GLIS3: variants seen among roughly 807,000 people sequenced by gnomAD.
The protein encoded by GLIS3 is zinc finger protein GLIS3.
Under a neutral mutation model 78.6 loss-of-function variants are expected in GLIS3, and 53 were observed. The ratio of observed to expected loss-of-function variants is 0.67; its 90% CI spans 0.54 to 0.85. GLIS3 has a LOEUF of 0.85. Ranked by LOEUF, GLIS3 falls within the 40% of genes least tolerant of loss-of-function variation. GLIS3 has a pLI of 0.00. For synonymous variants in GLIS3, 684 were observed against 509.9 expected, an observed-to-expected ratio of 1.34 and a Z score of -4.60; for missense variants, 1,703 against 1,231.1, an observed-to-expected ratio of 1.38 and a Z score of -5.74.
intron 2 of GLIS3, among the ~76,000 whole-genome samples, chr9:4,276,872 T>A (rs1486504198): frequency 6.6e-6 from 1 of 152,130 alleles, no homozygotes; most frequent in Non-Finnish European, 1.5e-5. Flanking sequence ...CAAGACAAAA[T>A]GAAAACTCTG....
chr9:4,189,750 G>T (rs1212803988), intron 2 of GLIS3, among the ~76,000 whole-genome samples: 1 of 152,094 alleles, frequency 6.6e-6, no homozygotes, highest in Non-Finnish European at 1.5e-5. Context: ...ATTATGTAAT[G>T]GCCTTCTTTG....
At chr9:4,233,583 G>T (rs965399445) in intron 2 of GLIS3, among the ~76,000 whole-genome samples, 3 of 152,168 alleles carry the variant, frequency 2.0e-5, no homozygotes, top group African/African-American at 7.2e-5. Context: ...AGGCTTTGTT[G>T]TTCCATTTAT....
intron 6 of GLIS3, among the ~76,000 whole-genome samples, chr9:3,905,648 C>A (rs1823647016): frequency 6.6e-6 from 1 of 152,170 alleles, no homozygotes. Flanking sequence ...GCCCCGTCTC[C>A]TTTCCCTTGA....
intron 2 of GLIS3, among the ~76,000 whole-genome samples, chr9:4,272,984 T>G (rs114970820): frequency 0.018 from 2,733 of 152,330 alleles, 86 homozygotes; most frequent in African/African-American, 0.062. Context: ...AGGTTTAAAA[T>G]ACTTTATTTC....
intron 7 of GLIS3, among the ~76,000 whole-genome samples, chr9:3,890,207 C>T (rs1037885929): frequency 3.9e-5 from 6 of 152,184 alleles, no homozygotes; most frequent in African/African-American, 1.4e-4. Flanking sequence ...ATTCAGTTTA[C>T]AAGCAGGCAA....
chr9:4,171,711 G>A (rs1253355262), intron 2 of GLIS3, among the ~76,000 whole-genome samples: 1 of 152,116 alleles, frequency 6.6e-6, no homozygotes, highest in Non-Finnish European at 1.5e-5. Context: ...GACTTGAACT[G>A]TTTTTCTTTT....
intron 4 of GLIS3, among the ~76,000 whole-genome samples, chr9:4,073,417 A>G (rs535058357): frequency 6.6e-6 from 1 of 152,276 alleles, no homozygotes; most frequent in African/African-American, 2.4e-5. Flanking sequence ...ATGAACACCC[A>G]GGTCATTCTA....
At chr9:3,906,226 CAA>C (rs1189146588) in intron 6 of GLIS3, among the ~76,000 whole-genome samples, 2 of 152,164 alleles carry the variant, frequency 1.3e-5, no homozygotes, top group African/African-American at 4.8e-5. Context: ...AAGCAGGAAA[CAA>C]AGTGGTTTAT....
chr9:4,084,812 A>T (rs1296048230), intron 4 of GLIS3, among the ~76,000 whole-genome samples: 1 of 152,020 alleles, frequency 6.6e-6, no homozygotes, highest in African/African-American at 2.4e-5. Context: ...CCACGTTAGG[A>T]CTGTGGCCAT....
At chr9:4,104,998 T>G (rs1242717510) in intron 4 of GLIS3, among the ~76,000 whole-genome samples, 1 of 152,180 alleles carries the variant, frequency 6.6e-6, no homozygotes, top group African/African-American at 2.4e-5. Flanking sequence ...CAAGAGAACA[T>G]GCACACCTAT....
At chr9:4,291,674 C>T (rs929730561) in intron 1 of GLIS3, among the ~76,000 whole-genome samples, 6 of 152,088 alleles carry the variant, frequency 3.9e-5, no homozygotes, top group Non-Finnish European at 7.4e-5. Context: ...TCCTCTTAGT[C>T]AATCCTCATT....
chr9:4,160,137 A>T (rs1193201959), intron 2 of GLIS3, among the ~76,000 whole-genome samples: 4 of 152,232 alleles, frequency 2.6e-5, no homozygotes, highest in African/African-American at 9.6e-5. Context: ...AAATATTTTC[A>T]GTCCTTCCGA....
At chr9:4,410,846 G>A in the GLIS3 span, among the ~76,000 whole-genome samples, 2 of 152,160 alleles carry the variant, frequency 1.3e-5, no homozygotes, top group Admixed American at 6.5e-5. Flanking sequence ...ATCTTTAGCT[G>A]ATCAAGTTCT....
At chr9:4,355,889 G>A in the GLIS3 span, among the ~76,000 whole-genome samples, 7 of 152,096 alleles carry the variant, frequency 4.6e-5, no homozygotes, top group South Asian at 2.1e-4. Context: ...AGTCCTGGGG[G>A]CAATGAAATG....
At chr9:3,852,318 G>A (rs995346495) in intron 9 of GLIS3, among the ~76,000 whole-genome samples, 3 of 152,162 alleles carry the variant, frequency 2.0e-5, no homozygotes, top group Non-Finnish European at 4.4e-5. Context: ...ACGGCAGGGA[G>A]TATAGAAGAA....
chr9:4,117,466 C>T (rs1055883035), intron 4 of GLIS3, among the ~76,000 whole-genome samples: 4 of 152,190 alleles, frequency 2.6e-5, no homozygotes, highest in Non-Finnish European at 5.9e-5. Flanking sequence ...CACATCCATA[C>T]ACATTAAGGA....
At chr9:4,040,382 A>G (rs879681816) in intron 4 of GLIS3, among the ~76,000 whole-genome samples, 4 of 152,196 alleles carry the variant, frequency 2.6e-5, no homozygotes, top group Non-Finnish European at 4.4e-5. Flanking sequence ...TTGTTTGAAA[A>G]TGGCTGTTAG....
chr9:4,279,413 T>A (rs1416728933), intron 2 of GLIS3, among the ~76,000 whole-genome samples: 1 of 147,938 alleles, frequency 6.8e-6, no homozygotes, highest in Non-Finnish European at 1.5e-5. Flanking sequence ...GCGTTTTTTT[T>A]AATGAAACAC....
the GLIS3 span, among the ~76,000 whole-genome samples, chr9:4,455,332 T>C: frequency 1.3e-5 from 2 of 152,302 alleles, no homozygotes; most frequent in African/African-American, 4.8e-5. Flanking sequence ...GACAACTAAA[T>C]AGCATTATCC....
Sources: allele counts gnomAD v4.1 joint callset (sites outside exome capture counted in the v4.1 genomes callset), GRCh38; gene constraint gnomAD v4.1.1; transcripts MANE v1.5; gene names NCBI Gene and HGNC (gene_info 2026-07-23, HGNC 2026-07-21).